TPRG1: variants seen among roughly 807,000 people sequenced by gnomAD.
TPRG1 encodes tumor protein p63 regulated 1, also known as tumor protein p63-regulated gene 1 protein.
TPRG1 carries 29 observed loss-of-function variants against 29.3 expected under a neutral mutation model. The observed-to-expected ratio is 0.99, with a 90% CI of 0.74 to 1.35. The LOEUF (loss-of-function observed/expected upper bound fraction) is 1.35. Among genes scored for constraint, TPRG1 ranks in the 40% most tolerant of loss-of-function variants. The pLI is 0.00. For missense variants in TPRG1, 327 were observed against 335.0 expected (o/e 0.98, Z 0.19); for synonymous variants, 130 against 116.8 (o/e 1.11, Z -0.73).
chr3:189,252,321 C>G (rs1336597804), intron 4 of TPRG1, among the ~76,000 whole-genome samples: 1 of 152,114 alleles, frequency 6.6e-6, no homozygotes, highest in Non-Finnish European at 1.5e-5. Flanking sequence ...AATCTGATCT[C>G]TCTTTCTTTT....
intron 3 of TPRG1, among the ~76,000 whole-genome samples, chr3:189,020,389 A>G (rs1713229832): frequency 1.3e-5 from 2 of 151,700 alleles, no homozygotes; most frequent in African/African-American, 2.4e-5. Flanking sequence ...ATTTCCCTCT[A>G]CACACTGCTT....
At chr3:189,134,520 C>G (rs1723503172) in intron 3 of TPRG1, among the ~76,000 whole-genome samples, 1 of 150,236 alleles carries the variant, frequency 6.7e-6, no homozygotes, top group Non-Finnish European at 1.5e-5. Context: ...TCAAGTGATC[C>G]TCCCACCTCA....
upstream of TPRG1, among the ~76,000 whole-genome samples, chr3:189,099,637 T>C (rs1718950652): frequency 6.6e-6 from 1 of 151,944 alleles, no homozygotes; most frequent in African/African-American, 2.4e-5. Flanking sequence ...CATAGCTGGA[T>C]AAAAGCTATG....
At chr3:189,219,752 G>A in intron 3 of TPRG1, 3 of 1,127,988 alleles carry the variant, frequency 2.7e-6, no homozygotes, top group Non-Finnish European at 3.3e-6. Flanking sequence ...TGAAGTGGTG[G>A]TGGGCGATTG....
At chr3:189,172,883 G>A (rs1422261149) in intron 1 of TPRG1, among the ~76,000 whole-genome samples, 2 of 152,186 alleles carry the variant, frequency 1.3e-5, no homozygotes, top group Non-Finnish European at 2.9e-5. Flanking sequence ...GTCAGAGGCA[G>A]CGTAGTGAGG....
chr3:189,115,387 A>G (rs190607828), intron 1 of TPRG1, among the ~76,000 whole-genome samples: 7 of 152,338 alleles, frequency 4.6e-5, no homozygotes, highest in African/African-American at 1.7e-4. Flanking sequence ...AGCCTTCCAC[A>G]GTAGCTAGGG....
chr3:189,059,624 AC>A (rs1385727854), intron 4 of TPRG1, among the ~76,000 whole-genome samples: 2 of 152,160 alleles, frequency 1.3e-5, no homozygotes, highest in African/African-American at 2.4e-5. Context: ...AATGAAAAAA[AC>A]AAAGGAAAAA....
At chr3:189,049,535 C>G (rs1715182680) in intron 4 of TPRG1, among the ~76,000 whole-genome samples, 1 of 152,140 alleles carries the variant, frequency 6.6e-6, no homozygotes, top group African/African-American at 2.4e-5. Context: ...CCTAGCCCTG[C>G]CCCCACCTGA....
intron 4 of TPRG1, among the ~76,000 whole-genome samples, chr3:189,256,477 T>C (rs1255197905): frequency 3.9e-5 from 6 of 152,188 alleles, no homozygotes; most frequent in Admixed American, 6.5e-5. Context: ...AGAATGTATA[T>C]ACTGTTGATT....
At chr3:189,189,090 CTTAT>C (rs996604888) in intron 1 of TPRG1, among the ~76,000 whole-genome samples, 1 of 151,818 alleles carries the variant, frequency 6.6e-6, no homozygotes, top group Non-Finnish European at 1.5e-5. Context: ...CTGTTTTTTT[CTTAT>C]TTGTTACTTT....
intron 5 of TPRG1, among the ~76,000 whole-genome samples, chr3:189,160,628 C>T (rs6791478): frequency 0.061 from 9,206 of 152,120 alleles, 718 homozygotes; most frequent in African/African-American, 0.18. Flanking sequence ...CCCAGGGAGA[C>T]GGGGACTAGG....
At chr3:189,058,981 T>C (rs903468756) in intron 4 of TPRG1, among the ~76,000 whole-genome samples, 3 of 152,190 alleles carry the variant, frequency 2.0e-5, no homozygotes, top group Non-Finnish European at 4.4e-5. Context: ...GCATATCTAG[T>C]TCTGCCCCTC....
intron 4 of TPRG1, among the ~76,000 whole-genome samples, chr3:189,085,929 C>T (rs1465768940): frequency 2.0e-5 from 3 of 152,070 alleles, no homozygotes; most frequent in African/African-American, 4.8e-5. Context: ...TCTAGAGGGA[C>T]AGGACTAACA....
At chr3:189,113,252 C>T (rs1467610144) in intron 1 of TPRG1, among the ~76,000 whole-genome samples, 2 of 152,202 alleles carry the variant, frequency 1.3e-5, no homozygotes, top group African/African-American at 2.4e-5. Context: ...GCTGAAGCTG[C>T]TTATCAGCTT....
chr3:189,250,568 G>A (rs575878641), intron 4 of TPRG1, among the ~76,000 whole-genome samples: 1 of 121,280 alleles, frequency 8.2e-6, no homozygotes, highest in East Asian at 2.6e-4. Context: ...TAATTTGATT[G>A]TTATCTTTAC....
At chr3:189,207,032 A>C (rs562322522) in intron 1 of TPRG1, 23 of 288,672 alleles carry the variant, frequency 8.0e-5, no homozygotes, top group African/African-American at 5.2e-4. Context: ...AGTCTGGTGA[A>C]TTTTCAACCA....
rs139320362 is a variant in TPRG1 at position 189,010,802 on chromosome 3, T to C, written c.-660+6042T>C. Among the ~76,000 whole-genome samples the C allele has an allele frequency of 2.4e-4, 36 of 152,330 alleles. 1 individual carries two copies. Among genetic ancestry groups the C allele is most frequent in the African/African-American group, 7.9e-4 (33 of 41,574 alleles). ...TTAATTAGATCCCATTTGTCTATTT[T>C]TGCTTTTGGCATCTTCCTCATGAAC... On this transcript the variant is annotated intron_variant, in intron 3 of 10. Coordinates refer to the TPRG1 transcript ENST00000433971.
At chr3:189,264,257 C>G (rs1325804104) in intron 4 of TPRG1, among the ~76,000 whole-genome samples, 1 of 152,118 alleles carries the variant, frequency 6.6e-6, no homozygotes, top group Non-Finnish European at 1.5e-5. Flanking sequence ...AACCTTCTTT[C>G]TAACTTTGCT....
chr3:189,063,524 A>G (rs912938215), intron 4 of TPRG1, among the ~76,000 whole-genome samples: 18 of 152,224 alleles, frequency 1.2e-4, no homozygotes, highest in Non-Finnish European at 2.4e-4. Flanking sequence ...CATAAAATAT[A>G]CCTCAACAAA....
Sources: gnomAD v4.1 joint callset for allele counts (sites outside exome capture counted in the v4.1 genomes callset) on GRCh38, gnomAD v4.1.1 for gene constraint, MANE v1.5 for transcripts, NCBI Gene and HGNC (gene_info 2026-07-23, HGNC 2026-07-21) for gene names.